FKTN: variants seen among roughly 807,000 people sequenced by gnomAD.
FKTN encodes fukutin.
A neutral mutation model predicts 58.6 loss-of-function variants in FKTN; 47 were observed. That is an observed-to-expected ratio of 0.80 (90% CI 0.63 to 1.02). The LOEUF (loss-of-function observed/expected upper bound fraction) is 1.02. Among genes scored for constraint, FKTN ranks in the 50% least tolerant of loss-of-function variants. FKTN has a pLI of 0.00. For synonymous variants in FKTN, 178 were observed against 191.9 expected, an observed-to-expected ratio of 0.93 and a Z score of 0.60; for missense variants, 516 against 537.3, an observed-to-expected ratio of 0.96 and a Z score of 0.39.
At chr9:105,588,260 T>G (rs1321576350) in intron 3 of FKTN, among the ~76,000 whole-genome samples, 1 of 152,230 alleles carries the variant, frequency 6.6e-6, no homozygotes, top group African/African-American at 2.4e-5. Context: ...ACCAGACTTT[T>G]CCTACCAGTT....
chr9:105,627,034 G>A (rs1397644441), intron 10 of FKTN, among the ~76,000 whole-genome samples: 2 of 146,518 alleles, frequency 1.4e-5, no homozygotes, highest in Non-Finnish European at 3.0e-5. Context: ...GTGCAGTGGT[G>A]TGATCTTGGC....
At chr9:105,595,183 G>C (rs531491309) in intron 3 of FKTN, among the ~76,000 whole-genome samples, 2 of 152,108 alleles carry the variant, frequency 1.3e-5, no homozygotes, top group African/African-American at 4.8e-5. Context: ...AGGAGGAAAG[G>C]GGAGTGGCTG....
At chr9:105,563,162 T>C (rs1042319090) in intron 1 of FKTN, among the ~76,000 whole-genome samples, 3 of 152,096 alleles carry the variant, frequency 2.0e-5, no homozygotes, top group Non-Finnish European at 2.9e-5. Flanking sequence ...GCTGAAAGAA[T>C]ATGCAGTGGG....
chr9:105,569,153 G>C (rs925354523), intron 1 of FKTN, among the ~76,000 whole-genome samples: 2 of 152,132 alleles, frequency 1.3e-5, no homozygotes, highest in Admixed American at 1.3e-4. Context: ...ATGGGAGCAA[G>C]GGGGAGGCGT....
At chr9:105,623,290 G>T (rs974453887) in intron 10 of FKTN, 2 of 152,070 alleles carry the variant, frequency 1.3e-5, no homozygotes, top group Admixed American at 1.3e-4. Context: ...TTTTATATGT[G>T]TTATCTTATT....
Position 105,639,380 on chromosome 9 carries a change from A to T in FKTN, c.*4116A>T. 1.2e-6 allele frequency: 1 copy of T among 811,524 alleles called. No individual in the cohort carries two copies. The highest frequency in any genetic ancestry group is 1.5e-6 in the Non-Finnish European group (1 of 671,402). 50.3% of individuals were successfully genotyped at this position (811,524 alleles called of 1,614,324 possible). ...CCTGAATTTGAATTTCAGCTTAATC[A>T]TGTGGGATTTATGGTGGGGGCCCTT... On this transcript the variant is annotated 3_prime_UTR_variant, in exon 11 of 11. Coordinates refer to ENST00000357998, the MANE Select transcript of FKTN (RefSeq NM_001079802.2).
chr9:105,576,244 GC>G (rs1260963837), intron 3 of FKTN, among the ~76,000 whole-genome samples: 1 of 146,386 alleles, frequency 6.8e-6, no homozygotes, highest in Non-Finnish European at 1.5e-5. Flanking sequence ...GTATACATTT[GC>G]CGTGCTGGTG....
intron 3 of FKTN, among the ~76,000 whole-genome samples, chr9:105,585,021 CAG>C (rs761755869): frequency 1.9e-4 from 29 of 151,976 alleles, no homozygotes; most frequent in Non-Finnish European, 2.6e-4. Flanking sequence ...TAATTTGGGA[CAG>C]ATGCTGATGA....
At position 105,564,203 on chromosome 9, in the gene FKTN, CAG is replaced by C. The variant is rs578160840; in HGVS notation, c.-181+6041_-181+6042del. Among the ~76,000 whole-genome samples, 21 of 152,248 alleles carry C rather than the reference CAG, an allele frequency of 1.4e-4. No homozygotes were observed. The South Asian group carries it at 4.2e-3, about 30-fold the overall frequency. Reference sequence around the variant, plus strand: ...TAAAACCACAAAGATGGGGAAAAAACAGAGCAGAAAAACTGAAAATTCTAAAA... The same window carrying C: ...TAAAACCACAAAGATGGGGAAAAAACAGCAGAAAAACTGAAAATTCTAAAA... On this transcript the variant is annotated intron_variant, in intron 1 of 10. Coordinates refer to ENST00000357998, the MANE Select transcript of FKTN (RefSeq NM_001079802.2).
chr9:105,573,754 A>G lies in FKTN; in HGVS notation c.-89+8A>G, dbSNP rs1208628657. 1 of 152,218 alleles carries G rather than the reference A, an allele frequency of 6.6e-6. No homozygotes were observed. Among genetic ancestry groups the G allele is most frequent in the East Asian group, 1.9e-4 (1 of 5,202 alleles). The allele number at this position is 152,218 out of a possible 1,614,324, so 9.4% of individuals were successfully genotyped here. ...AAAAATTGGATTTCAAAGGTAAGGA[A>G]TGCATTCTTTGCTCATCCCAATAAA... is the stretch of plus-strand genomic sequence containing the variant. On this transcript the variant is annotated splice_region_variant and intron_variant, in intron 2 of 10. Transcript: ENST00000357998.
At chr9:105,583,631 T>G (rs1843408598) in intron 3 of FKTN, among the ~76,000 whole-genome samples, 1 of 152,196 alleles carries the variant, frequency 6.6e-6, no homozygotes, top group African/African-American at 2.4e-5. Context: ...ATATTTCAAA[T>G]ATTTTTCCTG....
At chr9:105,626,380 G>A (rs1018083120) in intron 10 of FKTN, among the ~76,000 whole-genome samples, 10 of 152,200 alleles carry the variant, frequency 6.6e-5, no homozygotes, top group African/African-American at 2.4e-4. Flanking sequence ...CCTCCTGGTT[G>A]TAGACTGCTG....
chr9:105,604,420 A>C lies in FKTN; in HGVS notation c.575A>C (p.Lys192Thr). 1 of 1,614,106 alleles carries C rather than the reference A, an allele frequency of 6.2e-7. No homozygotes were observed. Among genetic ancestry groups the C allele is most frequent in the Non-Finnish European group, 8.5e-7 (1 of 1,179,962 alleles). Residue 192 changes from lysine (K) to threonine (T), a missense_variant, in exon 6 of 11, where the codon AAA (lysine) becomes ACA (threonine). By Grantham distance (78) the Lys-to-Thr change is moderately conservative. Transcript: ENST00000357998. The part of the protein sequence containing the change: ...NYLWHGHLRL[K>T]EHIDRKFVPF... ...CTCTGGCACGGCCACTTGAGACTTA[A>C]AGAACACATTGACAGGAAATTTGTT...
chr9:105,595,179 A>G (rs1452327203), intron 3 of FKTN, among the ~76,000 whole-genome samples: 12 of 152,132 alleles, frequency 7.9e-5, no homozygotes, highest in Non-Finnish European at 2.9e-5. Context: ...GTGGAGGAGG[A>G]AAGGGGAGTG....
intron 10 of FKTN, among the ~76,000 whole-genome samples, chr9:105,632,233 A>C (rs59474306): frequency 0.27 from 40,956 of 151,194 alleles, 5,790 homozygotes; most frequent in Non-Finnish European, 0.31. Flanking sequence ...TCACATGGAC[A>C]CAGGAAGGGG....
chr9:105,609,400 A>G (rs1444591566), intron 7 of FKTN, among the ~76,000 whole-genome samples: 5 of 152,146 alleles, frequency 3.3e-5, no homozygotes, highest in African/African-American at 1.2e-4. Flanking sequence ...CAAAAAATTT[A>G]GTATTTTTTT....
chr9:105,603,882 G>C, intron 5 of FKTN: 1 of 334,264 alleles, frequency 3.0e-6, no homozygotes, highest in South Asian at 2.8e-5. Context: ...TGCCCAGGCT[G>C]GTCTCAAACT....
rs1827815560 is a variant in FKTN at position 105,601,194 on chromosome 9, T to A, written c.215T>A (p.Val72Glu). The A allele has an allele frequency of 6.2e-7, 1 of 1,611,216 alleles. No homozygotes were observed. Among genetic ancestry groups the A allele is most frequent in the Non-Finnish European group, 8.5e-7 (1 of 1,177,686 alleles). Reference protein sequence around the residue: ...IMLTSNQNVPVFLIDPLILEL... With the variant: ...IMLTSNQNVPEFLIDPLILEL... Reference sequence around the variant, plus strand: ...TTAACATCCAACCAAAATGTACCAGTGTTTCTTATTGATCCTTTGATACTG... The same window carrying A: ...TTAACATCCAACCAAAATGTACCAGAGTTTCTTATTGATCCTTTGATACTG... The change falls in exon 5 of 11, where the codon GTG (valine) becomes GAG (glutamate). Residue 72 changes from valine (V) to glutamate (E), a missense_variant. By Grantham distance (121) the Val-to-Glu change is moderately radical. Transcript: ENST00000357998.
rs1834046235 is a variant in FKTN, at chr9:105,636,519, A to G, written c.*1255A>G. ...CTTTACCAAGTACCACACACTCTGGAATGCTTTAGTTTCCTTTTCCCCTCA... is the reference window on the plus strand; with the variant it reads ...CTTTACCAAGTACCACACACTCTGGGATGCTTTAGTTTCCTTTTCCCCTCA... On this transcript the variant is annotated 3_prime_UTR_variant, in exon 11 of 11. Transcript: ENST00000357998. 1.9e-6 allele frequency: 2 copies of G among 1,045,508 alleles called. No individual in the cohort carries two copies. Among genetic ancestry groups the G allele is most frequent in the Non-Finnish European group, 2.3e-6 (2 of 858,722 alleles). 64.8% of individuals were successfully genotyped at this position (1,045,508 alleles called of 1,614,324 possible).
Sources: allele counts gnomAD v4.1 joint callset (sites outside exome capture counted in the v4.1 genomes callset), GRCh38; gene constraint gnomAD v4.1.1; transcripts MANE v1.5; gene names NCBI Gene and HGNC (gene_info 2026-07-23, HGNC 2026-07-21).